Variants in HOMEZ observed in about 807,000 individuals in gnomAD.
HOMEZ encodes the protein homeobox and leucine zipper encoding, also known as homeobox and leucine zipper protein Homez.
In HOMEZ, 20 loss-of-function variants were observed where a neutral mutation model predicts 50.1. The ratio of observed to expected loss-of-function variants is 0.40; its 90% confidence interval spans 0.28 to 0.58. The LOEUF is 0.58. Ranked by LOEUF, HOMEZ falls within the 20% of genes least tolerant of loss-of-function variation. The probability of loss-of-function intolerance (pLI) is 0.46; values close to 1 mark genes in which losing one functional copy is unlikely to be tolerated. For synonymous variants in HOMEZ, 239 were observed against 254.7 expected (o/e 0.94, Z 0.59); for missense variants, 579 against 680.5 (o/e 0.85, Z 1.66).
In HOMEZ at chr14:23,276,103, A is replaced by G; in HGVS notation, c.1125T>C (p.Phe375=). Residue 375 remains phenylalanine, a synonymous_variant, in exon 2 of 2, where the codon TTT becomes TTC. Transcript: ENST00000357460. The surrounding 1 kb of genome is among the most constrained non-coding windows in gnomAD (Gnocchi z 4.1). ...CACGCCGTGCCCACTGGCACTGTAAAAAAAAGGATTTAAGGATAGCCAGCT... is the reference window on the plus strand; with the variant it reads ...CACGCCGTGCCCACTGGCACTGTAAGAAAAAGGATTTAAGGATAGCCAGCT... The part of the protein sequence containing the change: ...KEQLAILKSF[F]LQCQWARRED... 6.2e-7 allele frequency: 1 copy of G among 1,614,010 alleles called. No individual in the cohort carries two copies. Among genetic ancestry groups the G allele is most frequent in the Non-Finnish European group, 8.5e-7 (1 of 1,179,882 alleles).
intron 1 of HOMEZ, among the ~76,000 whole-genome samples, chr14:23,278,819 G>C (rs1594963731): frequency 6.6e-6 from 1 of 152,072 alleles, no homozygotes; most frequent in African/African-American, 2.4e-5. Flanking sequence ...GGGACTACAG[G>C]CGTGTGCCAC....
At chr14:23,277,676 G>A (rs1344959254) in intron 1 of HOMEZ, among the ~76,000 whole-genome samples, 2 of 151,514 alleles carry the variant, frequency 1.3e-5, no homozygotes, top group African/African-American at 4.9e-5. Flanking sequence ...AGCCTGAGAG[G>A]TTGAGGCTGC....
chr14:23,275,785 G>A lies in HOMEZ; in HGVS notation c.1443C>T (p.Ile481=), dbSNP rs2140500963. 6.2e-7 allele frequency: 1 copy of A among 1,612,916 alleles called. No individual in the cohort carries two copies. Among genetic ancestry groups the A allele is most frequent in the East Asian group, 2.2e-5 (1 of 44,864 alleles). ...GCCTTGATGCCTGACTCAATTGAGG[G>A]ATATCAGTTTCCCGTAGCTGTTGGT... is the stretch of plus-strand genomic sequence containing the variant. ...AAHQQLRETD[I]PQLSQASRLS... is the part of the protein sequence containing the mutation. The change falls in exon 2 of 2, where the codon ATC becomes ATT. Residue 481 remains isoleucine, a synonymous_variant. Transcript: ENST00000357460.
Position 23,286,093 on chromosome 14 carries a change from C to G in HOMEZ, c.-141G>C. 1 of 1,230,146 alleles carries G rather than the reference C, an allele frequency of 8.1e-7. No individual in the cohort carries two copies. Among genetic ancestry groups the G allele is most frequent in the Non-Finnish European group, 1.0e-6 (1 of 986,982 alleles). 76.2% of individuals were successfully genotyped at this position (1,230,146 alleles called of 1,614,324 possible). A position where few individuals can be genotyped will look rare whatever the true frequency, so the allele number is the denominator to read the frequency against. ...CCACCGTCCCCGGGAGCGCGCCGGT[C>G]TACCCAGCCCTGCTCGAGCAAGTTG... is the stretch of plus-strand genomic sequence containing the variant. On this transcript the variant is annotated 5_prime_UTR_variant, in exon 1 of 2. Transcript: ENST00000357460.
In HOMEZ at chr14:23,276,747, C is replaced by T. The variant is rs555718213; in HGVS notation, c.481G>A (p.Glu161Lys). Residue 161 changes from glutamate (E) to lysine (K), a missense_variant, in exon 2 of 2, where the codon GAG (glutamate) becomes AAG (lysine). Physicochemically the swap from Glu to Lys is moderately conservative, Grantham distance 56. Transcript: ENST00000357460. The surrounding 1 kb of genome is among the most constrained non-coding windows in gnomAD (Gnocchi z 4.1). ...EVPPPPVPAPEQVGIGIGPPT... is the reference protein window; with the variant it reads ...EVPPPPVPAPKQVGIGIGPPT... ...GGACCTATTCCAATACCAACTTGCT[C>T]TGGAGCTGGCACTGGAGGAGGAGGC... The T allele has an allele frequency of 1.1e-5, 18 of 1,614,054 alleles. No individual in the cohort carries two copies. The South Asian group carries it at 2.0e-4, about 18-fold the overall frequency.
chr14:23,280,768 AT>A lies in HOMEZ; in HGVS notation c.41-3582del, dbSNP rs1231985494. 4.9e-4 allele frequency among the ~76,000 whole-genome samples: 46 copies of A among 93,766 alleles called. 2 individuals carry two copies. The highest frequency in any genetic ancestry group is 1.4e-3 in the African/African-American group (41 of 28,496). The allele number at this position is 93,766 out of a possible 152,430, so 61.5% of individuals were successfully genotyped here. A position where few individuals can be genotyped will look rare whatever the true frequency, so the allele number is the denominator to read the frequency against. On this transcript the variant is annotated intron_variant, in intron 1 of 1. Transcript: ENST00000357460. ...ATTTTATTTTATTTTATTTTATTTTATTTTATTTTATTTTATTTTATTTGGA... is the reference window on the plus strand; with the variant it reads ...ATTTTATTTTATTTTATTTTATTTTATTTATTTTATTTTATTTTATTTGGA...
At position 23,274,849 on chromosome 14, in the gene HOMEZ, T is replaced by C. The variant is rs1233276858; in HGVS notation, c.*726A>G. ...TGAACCTGGGAGGCGGAGCTTGCAGTGAGCTGAGATTGCGCCATTGCACTA... is the reference window on the plus strand; with the variant it reads ...TGAACCTGGGAGGCGGAGCTTGCAGCGAGCTGAGATTGCGCCATTGCACTA... On this transcript the variant is annotated 3_prime_UTR_variant, in exon 2 of 2. Transcript: ENST00000357460. 3 of 150,156 alleles carry C rather than the reference T, an allele frequency of 2.0e-5. No homozygotes were observed. The highest frequency in any genetic ancestry group is 6.7e-5 in the Admixed American group (1 of 14,990). 9.3% of individuals were successfully genotyped at this position (150,156 alleles called of 1,614,324 possible). A position where few individuals can be genotyped will look rare whatever the true frequency, so the allele number is the denominator to read the frequency against.
rs1385689774 is a variant in HOMEZ at position 23,275,567 on chromosome 14, C to T, written c.*8G>A. ...CAGTAACAGACCTCCCCTCCCCCAG[C>T]TCCCCACTCAGTCTTGTATGATCAC... On this transcript the variant is annotated 3_prime_UTR_variant, in exon 2 of 2. Transcript: ENST00000357460. 1.3e-6 allele frequency: 2 copies of T among 1,538,126 alleles called. No individual in the cohort carries two copies. The highest frequency in any genetic ancestry group is 2.7e-5 in the African/African-American group (2 of 72,768).
intron 1 of HOMEZ, among the ~76,000 whole-genome samples, chr14:23,281,059 G>A (rs367713174): frequency 6.6e-5 from 10 of 151,854 alleles, no homozygotes; most frequent in African/African-American, 2.2e-4. Context: ...GTGAAACACC[G>A]GGCCCAGCCT....
In HOMEZ at chr14:23,276,688, T is replaced by G; in HGVS notation, c.540A>C (p.Gly180=). 1 of 1,614,044 alleles carries G rather than the reference T, an allele frequency of 6.2e-7. No individual in the cohort carries two copies. Among genetic ancestry groups the G allele is most frequent in the Non-Finnish European group, 8.5e-7 (1 of 1,179,896 alleles). Residue 180 remains glycine (G), a synonymous_variant, in exon 2 of 2, where the codon GGA becomes GGC. Coordinates refer to ENST00000357460, the MANE Select transcript of HOMEZ (RefSeq NM_020834.3). This position sits in a 1 kb window ranked among gnomAD's most constrained non-coding sequence, Gnocchi z 4.1. ...AGGGCTCCTCAGGCTCTACCTTCAA[T>G]CCTTTCGTCTGGGTAGGCTTGCTAA... ...PTLSKPTQTK[G]LKVEPEEPSQ...
intron 1 of HOMEZ, among the ~76,000 whole-genome samples, chr14:23,282,518 G>T (rs1256734896): frequency 6.6e-6 from 1 of 151,902 alleles, no homozygotes; most frequent in African/African-American, 2.4e-5. Context: ...GTGGCCCACC[G>T]AGAACACCAC....
chr14:23,283,926 G>T (rs1003288783), intron 1 of HOMEZ, among the ~76,000 whole-genome samples: 1 of 152,070 alleles, frequency 6.6e-6, no homozygotes, highest in Non-Finnish European at 1.5e-5. Flanking sequence ...TGGGAGATGA[G>T]ATATGATCCT....
rs1349289532 is a variant in HOMEZ, at chr14:23,280,701, A to AT, written c.41-3515dup. ...TCTGTTATATTTTATTTTTATTTTT[A>AT]TATTTTTATTTTTATTTTATTTTAT... On this transcript the variant is annotated intron_variant, in intron 1 of 1. Coordinates refer to ENST00000357460, the MANE Select transcript of HOMEZ (RefSeq NM_020834.3). Among the ~76,000 whole-genome samples the AT allele has an allele frequency of 8.6e-5, 6 of 70,046 alleles. 1 individual carries two copies. Among genetic ancestry groups the AT allele is most frequent in the East Asian group, 1.1e-3 (2 of 1,866 alleles). The allele number at this position is 70,046 out of a possible 152,430, so 46.0% of individuals were successfully genotyped here.
At chr14:23,283,649 C>G (rs186789146) in intron 1 of HOMEZ, among the ~76,000 whole-genome samples, 91 of 152,144 alleles carry the variant, frequency 6.0e-4, no homozygotes, top group African/African-American at 1.8e-3. Flanking sequence ...AGTCCCAGCA[C>G]TTTGGGAGGC....
chr14:23,279,077 G>A (rs1314859481), intron 1 of HOMEZ, among the ~76,000 whole-genome samples: 1 of 151,722 alleles, frequency 6.6e-6, no homozygotes, highest in Non-Finnish European at 1.5e-5. Context: ...TCCACCTCCC[G>A]GGTTCAAGTG....
intron 1 of HOMEZ, chr14:23,285,701 C>T: frequency 2.5e-6 from 1 of 399,106 alleles, no homozygotes; most frequent in East Asian, 3.6e-5. Context: ...AAGGGCGCCC[C>T]AACCCAACCT....
intron 1 of HOMEZ, among the ~76,000 whole-genome samples, chr14:23,280,825 G>C (rs1886538761): frequency 7.1e-6 from 1 of 141,616 alleles, no homozygotes; most frequent in Non-Finnish European, 1.5e-5. Context: ...CCAGGCTGGA[G>C]TGCAGTGGCA....
At position 23,276,221 on chromosome 14, in the gene HOMEZ, C is replaced by G; in HGVS notation, c.1007G>C (p.Arg336Pro). 1 of 1,613,914 alleles carries G rather than the reference C, an allele frequency of 6.2e-7. No individual in the cohort carries two copies. Among genetic ancestry groups the G allele is most frequent in the Non-Finnish European group, 8.5e-7 (1 of 1,179,878 alleles). Residue 336 changes from arginine to proline, a missense_variant, in exon 2 of 2, where the codon CGG (arginine) becomes CCG (proline). Coordinates refer to ENST00000357460, the MANE Select transcript of HOMEZ (RefSeq NM_020834.3). This position sits in a 1 kb window ranked among gnomAD's most constrained non-coding sequence, Gnocchi z 4.1. ...AACTCTACCTGGTACTGAGTTATGC[C>G]GTAGCCCTTGGGGCCAGGCTGGTTC... is the stretch of plus-strand genomic sequence containing the variant. ...HLEPAWPQGL[R>P]HNSVPGRVGP...
rs772249326 is a variant in HOMEZ at position 23,272,857 on chromosome 14, C to G, written c.*2718G>C. On this transcript the variant is annotated 3_prime_UTR_variant, in exon 2 of 2. Coordinates refer to ENST00000357460, the MANE Select transcript of HOMEZ (RefSeq NM_020834.3). ...CAACAACGGAGGCATATGGGATTAC[C>G]CAGTGGGAGAGAAGCATGGACCACT... The G allele has an allele frequency of 1.9e-6, 3 of 1,548,104 alleles. No homozygotes were observed. The highest frequency in any genetic ancestry group is 2.7e-5 in the African/African-American group (2 of 72,934).
Sources: allele counts gnomAD v4.1 joint callset (sites outside exome capture counted in the v4.1 genomes callset), GRCh38; gene constraint gnomAD v4.1.1; non-coding constraint Gnocchi (gnomAD v3.1); transcripts MANE v1.5; gene names NCBI Gene and HGNC (gene_info 2026-07-23, HGNC 2026-07-21).